Variants in RGS7 observed in about 807,000 individuals in gnomAD.
The protein encoded by RGS7 is regulator of G-protein signaling 7.
A neutral mutation model predicts 81.1 loss-of-function variants in RGS7; 27 were observed. The observed-to-expected ratio is 0.33, with a 90% CI of 0.25 to 0.46. The LOEUF (loss-of-function observed/expected upper bound fraction) is 0.46, where lower values mean the gene tolerates loss of function less well. Ranked by LOEUF, RGS7 falls within the 20% of genes least tolerant of loss-of-function variation. The probability of loss-of-function intolerance (pLI) is 1.00; values close to 1 mark genes in which losing one functional copy is unlikely to be tolerated. For synonymous variants in RGS7, 208 were observed against 207.7 expected (o/e 1.00, Z -0.01); for missense variants, 396 against 607.4 (o/e 0.65, Z 3.66).
intron 3 of RGS7, among the ~76,000 whole-genome samples, chr1:241,036,114 G>A (rs564332308): frequency 2.6e-4 from 40 of 152,028 alleles, no homozygotes; most frequent in Non-Finnish European, 3.8e-4. Context: ...TAATTCCTAC[G>A]GATACAATAT....
At chr1:240,882,934 T>A (rs548685393) in intron 6 of RGS7, among the ~76,000 whole-genome samples, 94 of 152,282 alleles carry the variant, frequency 6.2e-4, no homozygotes, top group Non-Finnish European at 9.0e-4. Context: ...ATGTTCCCCT[T>A]CCTGTGTCCA....
Position 241,251,595 on chromosome 1 carries a change from C to T in RGS7, c.78+104104G>A, listed in dbSNP as rs368103681. ...CGCGAGCTTGGCTCACTGCAACCTC[C>T]TTCTCCCAGGTTCAAGCAATTCTCC... On this transcript the variant is annotated intron_variant, in intron 2 of 18. Transcript: ENST00000440928. Among the ~76,000 whole-genome samples, 161 of 152,102 alleles carry T rather than the reference C, an allele frequency of 1.1e-3. 1 individual carries two copies. The highest frequency in any genetic ancestry group is 3.4e-3 in the Middle Eastern group (1 of 294).
chr1:240,883,693 C>A (rs1467165685), intron 6 of RGS7, among the ~76,000 whole-genome samples: 1 of 152,208 alleles, frequency 6.6e-6, no homozygotes, highest in Non-Finnish European at 1.5e-5. Context: ...GCCTCCTGTT[C>A]CAGCTCTCAT....
At chr1:241,027,913 T>C (rs1340001187) in intron 3 of RGS7, among the ~76,000 whole-genome samples, 1 of 152,216 alleles carries the variant, frequency 6.6e-6, no homozygotes. Context: ...AGGATTATAC[T>C]ACCTGTGACA....
intron 2 of RGS7, among the ~76,000 whole-genome samples, chr1:241,355,259 G>A (rs968232869): frequency 2.6e-5 from 4 of 152,204 alleles, no homozygotes; most frequent in African/African-American, 9.6e-5. Context: ...CATTTACACA[G>A]ACACAGTCTC....
In RGS7 at chr1:241,030,373, T is replaced by TATATATATATATATACAC. The variant is rs374223475; in HGVS notation, c.176-47245_176-47244insGTGTATATATATATATAT. 1.3e-3 allele frequency among the ~76,000 whole-genome samples: 175 copies of TATATATATATATATACAC among 135,226 alleles called. 8 individuals carry two copies. The highest frequency in any genetic ancestry group is 1.9e-3 in the Non-Finnish European group (120 of 62,640). The allele number at this position is 135,226 out of a possible 152,430, so 88.7% of individuals were successfully genotyped here. A position where few individuals can be genotyped will look rare whatever the true frequency, so the allele number is the denominator to read the frequency against. ...CCAGAACTTATAGCATATATATATATACATACACACATACATACACACACA... is the reference window on the plus strand; with the variant it reads ...CCAGAACTTATAGCATATATATATATATATATATATATATACACACATACACACATACATACACACACA... On this transcript the variant is annotated intron_variant, in intron 3 of 18. Coordinates refer to ENST00000440928, the MANE Select transcript of RGS7 (RefSeq NM_001364886.1).
rs142177180 is a variant in RGS7 at position 241,142,185 on chromosome 1, G to A, written c.79-43423C>T. Among the ~76,000 whole-genome samples, 206 of 152,304 alleles carry A rather than the reference G, an allele frequency of 1.4e-3. 2 individuals carry two copies. The East Asian group carries it at 0.018, about 13-fold the overall frequency. Reference sequence around the variant, plus strand: ...TACAACCTCCCTCCTGGCTGCTTTCGTGGGCTGGCACTGAGTGCCTACAGG... The same window carrying A: ...TACAACCTCCCTCCTGGCTGCTTTCATGGGCTGGCACTGAGTGCCTACAGG... On this transcript the variant is annotated intron_variant, in intron 2 of 18. Transcript: ENST00000440928.
At chr1:240,955,000 C>T (rs1680134282) in intron 4 of RGS7, among the ~76,000 whole-genome samples, 1 of 151,976 alleles carries the variant, frequency 6.6e-6, no homozygotes, top group African/African-American at 2.4e-5. Flanking sequence ...ACAATAGCAG[C>T]AAAATTGGAA....
chr1:241,155,042 ATACT>A (rs998439447), intron 2 of RGS7, among the ~76,000 whole-genome samples: 3 of 152,378 alleles, frequency 2.0e-5, no homozygotes, highest in African/African-American at 7.2e-5. Flanking sequence ...GGCAAATTTC[ATACT>A]TAGTAATGAG....
intron 2 of RGS7, among the ~76,000 whole-genome samples, chr1:241,117,373 T>G (rs984931090): frequency 6.6e-6 from 1 of 152,206 alleles, no homozygotes; most frequent in Non-Finnish European, 1.5e-5. Context: ...TCATTCATTC[T>G]ATATGGCAGT....
intron 4 of RGS7, among the ~76,000 whole-genome samples, chr1:240,939,018 T>C (rs558812630): frequency 6.6e-6 from 1 of 152,302 alleles, no homozygotes; most frequent in Non-Finnish European, 1.5e-5. Context: ...TTTCATTCTC[T>C]GTGCCTCCCC....
At chr1:241,102,265 C>T (rs926166952) in intron 2 of RGS7, among the ~76,000 whole-genome samples, 1 of 152,040 alleles carries the variant, frequency 6.6e-6, no homozygotes, top group Non-Finnish European at 1.5e-5. Context: ...TTTCTAAAAA[C>T]TAAAATCAAT....
chr1:240,912,146 G>A (rs1671859673), intron 6 of RGS7, among the ~76,000 whole-genome samples: 2 of 66,758 alleles, frequency 3.0e-5, no homozygotes, highest in South Asian at 8.0e-4. Flanking sequence ...GCGAGATTCT[G>A]TCTCAAAAAA....
At chr1:241,293,203 T>A (rs1431151642) in intron 2 of RGS7, among the ~76,000 whole-genome samples, 2 of 152,194 alleles carry the variant, frequency 1.3e-5, no homozygotes, top group Non-Finnish European at 2.9e-5. Context: ...GCACAATGCA[T>A]TACTCATTGT....
rs147504434 is a variant in RGS7, at chr1:240,949,002, T to C, written c.227-12296A>G. Among the ~76,000 whole-genome samples, 98 of 152,238 alleles carry C rather than the reference T, an allele frequency of 6.4e-4. 1 individual carries two copies. In the East Asian group the frequency reaches 0.017, roughly 27 times the overall value. On this transcript the variant is annotated intron_variant, in intron 4 of 18. Transcript: ENST00000440928. ...CTTTAATTTGACTTAACTGGAGTTATATTGAATTTTAGCTAAAATGCACAG... is the reference window on the plus strand; with the variant it reads ...CTTTAATTTGACTTAACTGGAGTTACATTGAATTTTAGCTAAAATGCACAG...
chr1:241,243,528 A>G (rs1465271166), intron 2 of RGS7, among the ~76,000 whole-genome samples: 1 of 152,182 alleles, frequency 6.6e-6, no homozygotes, highest in African/African-American at 2.4e-5. Flanking sequence ...GCAGCCAACA[A>G]GACAAAAATT....
At chr1:241,057,192 A>C (rs980746655) in intron 3 of RGS7, among the ~76,000 whole-genome samples, 1 of 152,098 alleles carries the variant, frequency 6.6e-6, no homozygotes, top group African/African-American at 2.4e-5. Context: ...CTGAATTTTC[A>C]CTGCAGATAG....
intron 3 of RGS7, among the ~76,000 whole-genome samples, chr1:241,067,317 T>C (rs1293397708): frequency 6.6e-6 from 1 of 152,104 alleles, no homozygotes; most frequent in Non-Finnish European, 1.5e-5. Flanking sequence ...GGCTCTGTAT[T>C]CCATGCTCCT....
At chr1:240,788,659 C>A (rs1685462256) in intron 18 of RGS7, among the ~76,000 whole-genome samples, 2 of 152,196 alleles carry the variant, frequency 1.3e-5, no homozygotes, top group Non-Finnish European at 2.9e-5. Context: ...AAGGAGAGAT[C>A]AGCTGGGAAT....
Sources: gnomAD v4.1 joint callset for allele counts (sites outside exome capture counted in the v4.1 genomes callset) on GRCh38, gnomAD v4.1.1 for gene constraint, MANE v1.5 for transcripts, NCBI Gene and HGNC (gene_info 2026-07-23, HGNC 2026-07-21) for gene names.